The following RAB27B variants were observed in gnomAD, a reference collection of about 807,000 sequenced individuals.
The protein encoded by RAB27B is RAB27B, member RAS oncogene family, also known as ras-related protein Rab-27B.
RAB27B carries 15 observed loss-of-function variants against 24.6 expected under a neutral mutation model. The observed-to-expected ratio is 0.61, with a 90% CI of 0.41 to 0.94. RAB27B has a LOEUF of 0.94. RAB27B is among the 40% of genes least tolerant of loss of function. The pLI, the probability that RAB27B is intolerant of heterozygous loss-of-function variation, is 0.00. For missense variants in RAB27B, 261 were observed against 266.8 expected (o/e 0.98, Z 0.15); for synonymous variants, 105 against 92.5 (o/e 1.14, Z -0.78).
intron 1 of RAB27B, among the ~76,000 whole-genome samples, chr18:54,833,045 A>C (rs554809641): frequency 3.4e-3 from 523 of 152,276 alleles, no homozygotes; most frequent in Middle Eastern, 6.8e-3. Flanking sequence ...GGAAACATAT[A>C]ATTAGAAATA....
chr18:54,718,544 A>G (rs1157742476), intron 2 of RAB27B, among the ~76,000 whole-genome samples: 1 of 152,212 alleles, frequency 6.6e-6, no homozygotes, highest in African/African-American at 2.4e-5. Context: ...TCATAGATGT[A>G]GACTGCCAGA....
intron 2 of RAB27B, among the ~76,000 whole-genome samples, chr18:54,773,996 C>A (rs543640505): frequency 6.6e-6 from 1 of 151,946 alleles, no homozygotes; most frequent in Non-Finnish European, 1.5e-5. Context: ...CTACTTTCTA[C>A]CACCAGAATA....
intron 2 of RAB27B, among the ~76,000 whole-genome samples, chr18:54,733,277 A>AG (rs1378258466): frequency 1.3e-5 from 2 of 152,216 alleles, no homozygotes; most frequent in African/African-American, 4.8e-5. Flanking sequence ...CAAACTCCTC[A>AG]GCTCAAGTGA....
intron 1 of RAB27B, among the ~76,000 whole-genome samples, chr18:54,841,020 G>A (rs1452900278): frequency 2.6e-5 from 4 of 151,922 alleles, no homozygotes; most frequent in African/African-American, 7.3e-5. Context: ...GGTGGTGCAC[G>A]CTGTAATCCC....
chr18:54,855,827 A>AGAT (rs918855536), intron 1 of RAB27B, among the ~76,000 whole-genome samples: 9 of 152,202 alleles, frequency 5.9e-5, no homozygotes, highest in African/African-American at 2.2e-4. Flanking sequence ...CTTTGAGTAA[A>AGAT]GATGCTTTTT....
At chr18:54,834,556 C>T (rs956610408) in intron 1 of RAB27B, among the ~76,000 whole-genome samples, 3 of 151,960 alleles carry the variant, frequency 2.0e-5, no homozygotes, top group African/African-American at 7.3e-5. Flanking sequence ...CCTTTTCTTC[C>T]TTCCATTTAT....
chr18:54,830,056 G>C (rs1389011094), intron 1 of RAB27B, among the ~76,000 whole-genome samples: 1 of 152,208 alleles, frequency 6.6e-6, no homozygotes, highest in East Asian at 1.9e-4. Flanking sequence ...GGATGAGCCT[G>C]TTCTCATAGT....
intron 1 of RAB27B, among the ~76,000 whole-genome samples, chr18:54,866,206 G>A (rs1912214829): frequency 6.6e-6 from 1 of 152,210 alleles, no homozygotes; most frequent in South Asian, 2.1e-4. Context: ...AAGAGCAGCT[G>A]GACTTGGACT....
At chr18:54,810,921 T>C (rs867286378) in intron 2 of RAB27B, among the ~76,000 whole-genome samples, 1 of 151,924 alleles carries the variant, frequency 6.6e-6, no homozygotes, top group Non-Finnish European at 1.5e-5. Flanking sequence ...AATTGTAGAC[T>C]CCTTGAGACC....
intron 2 of RAB27B, among the ~76,000 whole-genome samples, chr18:54,757,534 A>G (rs1908045961): frequency 6.6e-6 from 1 of 152,204 alleles, no homozygotes; most frequent in Admixed American, 6.6e-5. Context: ...AAAGCTGTTG[A>G]TATCTAATTT....
chr18:54,841,158 G>C (rs866872822), intron 1 of RAB27B, among the ~76,000 whole-genome samples: 10 of 75,040 alleles, frequency 1.3e-4, no homozygotes, highest in African/African-American at 4.5e-4. Flanking sequence ...GGGTGGCGGG[G>C]CGGTGGGGGG....
chr18:54,850,333 G>GATATATATATATATATATATATAT (rs35735191), intron 1 of RAB27B, among the ~76,000 whole-genome samples: 122 of 95,096 alleles, frequency 1.3e-3, no homozygotes, highest in Non-Finnish European at 1.4e-3. Flanking sequence ...AAACAAACAG[G>GATATATATATATATATATATATAT]ATATATATAT....
intron 2 of RAB27B, among the ~76,000 whole-genome samples, chr18:54,746,609 T>TA (rs1474923954): frequency 1.3e-5 from 2 of 152,180 alleles, no homozygotes; most frequent in Non-Finnish European, 2.9e-5. Context: ...ACTATTAAGA[T>TA]AGAGAGGCTG....
chr18:54,874,918 G>A (rs567807034), intron 1 of RAB27B, among the ~76,000 whole-genome samples: 8 of 152,238 alleles, frequency 5.3e-5, no homozygotes, highest in South Asian at 2.1e-4. Flanking sequence ...CCTTAAGTGT[G>A]GGGGGAAATC....
chr18:54,760,492 A>T (rs1459002264), intron 2 of RAB27B, among the ~76,000 whole-genome samples: 1 of 152,180 alleles, frequency 6.6e-6, no homozygotes, highest in Admixed American at 6.6e-5. Context: ...TACATAATTT[A>T]AAGTTTTGAA....
chr18:54,834,156 A>G (rs193006440), intron 1 of RAB27B, among the ~76,000 whole-genome samples: 24 of 152,384 alleles, frequency 1.6e-4, no homozygotes, highest in Admixed American at 8.5e-4. Flanking sequence ...TATAAAACAG[A>G]TCAAAGCAAA....
chr18:54,830,828 C>T (rs1468776855), intron 1 of RAB27B, among the ~76,000 whole-genome samples: 1 of 152,104 alleles, frequency 6.6e-6, no homozygotes, highest in Non-Finnish European at 1.5e-5. Flanking sequence ...ACAAACTTGT[C>T]TAGATTGCCA....
At chr18:54,792,162 C>G (rs865775614) in intron 2 of RAB27B, among the ~76,000 whole-genome samples, 1 of 152,194 alleles carries the variant, frequency 6.6e-6, no homozygotes, top group African/African-American at 2.4e-5. Context: ...CACATGCCCA[C>G]TGGGTCTTCA....
At chr18:54,880,376 T>C (rs899675723) in intron 3 of RAB27B, 1 of 152,168 alleles carries the variant, frequency 6.6e-6, no homozygotes, top group East Asian at 1.9e-4. Flanking sequence ...AGCTTTTCAA[T>C]ATTAGATTAA....
Sources: gnomAD v4.1 joint callset for allele counts (sites outside exome capture counted in the v4.1 genomes callset) on GRCh38, gnomAD v4.1.1 for gene constraint, MANE v1.5 for transcripts, NCBI Gene and HGNC (gene_info 2026-07-23, HGNC 2026-07-21) for gene names.